SASH1: variants seen among roughly 807,000 people sequenced by gnomAD.
The protein encoded by SASH1 is SAM and SH3 domain-containing protein 1.
A neutral mutation model predicts 125.2 loss-of-function variants in SASH1; 44 were observed. The ratio of observed to expected loss-of-function variants is 0.35; its 90% CI spans 0.28 to 0.45. SASH1 has a LOEUF of 0.45. Ranked by LOEUF, SASH1 falls within the 20% of genes least tolerant of loss-of-function variation. SASH1 has a pLI of 1.00. For synonymous variants in SASH1, 639 were observed against 649.1 expected, an observed-to-expected ratio of 0.98 and a Z score of 0.24; for missense variants, 1,426 against 1,614.5, an observed-to-expected ratio of 0.88 and a Z score of 2.00.
chr6:148,301,399 G>A lies in SASH1; in HGVS notation n.74+29022G>A, dbSNP rs960806936. On this transcript the variant is annotated intron_variant and non_coding_transcript_variant, in intron 1 of 3. Transcript: ENST00000367469. The stretch of plus-strand genomic sequence containing the variant: ...TCCTGCCTCTGCTTCCCGAGTAGCT[G>A]GGATTACAGATGCCCACCACCATGC... Among the ~76,000 whole-genome samples, 66 of 151,606 alleles carry A rather than the reference G, an allele frequency of 4.4e-4. 1 individual carries two copies. Among genetic ancestry groups the A allele is most frequent in the South Asian group, 8.3e-4 (4 of 4,800 alleles).
Position 148,303,044 on chromosome 6 carries a change from G to A in SASH1, n.74+30667G>A, listed in dbSNP as rs369375550. On this transcript the variant is annotated intron_variant and non_coding_transcript_variant, in intron 1 of 3. Coordinates refer to the SASH1 transcript ENST00000367469. The stretch of plus-strand genomic sequence containing the variant: ...TGCTCAGGCTGGAGTGCAATGGCGC[G>A]ATCTCAGCTCACTGCAAACTCTGCC... 5.9e-5 allele frequency among the ~76,000 whole-genome samples: 9 copies of A among 152,088 alleles called. No homozygotes were observed. In the South Asian group the frequency reaches 1.9e-3, roughly 32 times the overall value.
intron 8 of SASH1, among the ~76,000 whole-genome samples, chr6:148,499,743 C>T (rs375536454): frequency 3.3e-5 from 5 of 152,164 alleles, no homozygotes; most frequent in Middle Eastern, 3.4e-3. Context: ...CTGAGTAAAT[C>T]GGAAAACTTG....
At chr6:148,514,764 A>C (rs1422086630) in intron 9 of SASH1, among the ~76,000 whole-genome samples, 1 of 152,216 alleles carries the variant, frequency 6.6e-6, no homozygotes, top group East Asian at 1.9e-4. Context: ...ACCATTTTAT[A>C]TAAACTTTCT....
intron 4 of SASH1, among the ~76,000 whole-genome samples, chr6:148,445,280 T>C (rs966019700): frequency 6.6e-6 from 1 of 152,154 alleles, no homozygotes; most frequent in Non-Finnish European, 1.5e-5. Flanking sequence ...GCCCAGCAGG[T>C]CTCAGCCTTA....
intron 8 of SASH1, among the ~76,000 whole-genome samples, chr6:148,492,330 T>C (rs1779140948): frequency 1.3e-5 from 2 of 152,236 alleles, no homozygotes; most frequent in Admixed American, 1.3e-4. Flanking sequence ...TAGATATAAA[T>C]TGTGAGAATG....
intron 4 of SASH1, among the ~76,000 whole-genome samples, chr6:148,442,119 G>A (rs1280144724): frequency 6.6e-6 from 1 of 152,162 alleles, no homozygotes; most frequent in Admixed American, 6.5e-5. Context: ...GGGTGCAGTG[G>A]CTCAGGCCTG....
At chr6:148,409,587 A>G (rs1784532204) in intron 2 of SASH1, among the ~76,000 whole-genome samples, 1 of 152,094 alleles carries the variant, frequency 6.6e-6, no homozygotes, top group African/African-American at 2.4e-5. Flanking sequence ...ACAGAAAGAG[A>G]TTTTCTTGTG....
chr6:148,327,595 A>G (rs1331324204), intron 1 of SASH1, among the ~76,000 whole-genome samples: 3 of 150,422 alleles, frequency 2.0e-5, no homozygotes, highest in African/African-American at 4.9e-5. Context: ...AAATTTCTAT[A>G]ATGTACACTG....
At chr6:148,194,834 A>G in the SASH1 span, among the ~76,000 whole-genome samples, 5 of 152,192 alleles carry the variant, frequency 3.3e-5, no homozygotes, top group Admixed American at 3.3e-4. Flanking sequence ...TGAACCTAGG[A>G]GGCGGAGCTG....
chr6:148,319,022 C>CT (rs10695657), intron 1 of SASH1, among the ~76,000 whole-genome samples: 4,888 of 66,518 alleles, frequency 0.073, 1,548 homozygotes, highest in Non-Finnish European at 0.082. Flanking sequence ...CATTTATCTT[C>CT]TTTTTTTTTT....
chr6:148,467,009 C>T (rs1385606499), intron 4 of SASH1, among the ~76,000 whole-genome samples: 1 of 151,116 alleles, frequency 6.6e-6, no homozygotes, highest in African/African-American at 2.4e-5. Flanking sequence ...GCTGTAAGCC[C>T]AAGGATACTG....
chr6:148,494,898 A>G (rs1016935893), intron 8 of SASH1, among the ~76,000 whole-genome samples: 2 of 152,204 alleles, frequency 1.3e-5, no homozygotes, highest in Admixed American at 6.5e-5. Flanking sequence ...ATATCCCCAG[A>G]TTATAAGATC....
the SASH1 span, among the ~76,000 whole-genome samples, chr6:148,234,757 G>A: frequency 6.6e-6 from 1 of 151,880 alleles, no homozygotes; most frequent in Admixed American, 6.6e-5. Context: ...AACCCGGGAG[G>A]CGGAGGTTGC....
intron 4 of SASH1, among the ~76,000 whole-genome samples, chr6:148,455,504 A>C (rs1483396313): frequency 1.3e-5 from 2 of 152,150 alleles, no homozygotes; most frequent in African/African-American, 2.4e-5. Flanking sequence ...ACGTGAAGTC[A>C]TCTGAGGGCA....
chr6:148,510,860 G>A (rs577051337), intron 8 of SASH1, among the ~76,000 whole-genome samples: 8 of 152,086 alleles, frequency 5.3e-5, no homozygotes, highest in Non-Finnish European at 1.2e-4. Flanking sequence ...GCTGGGTATG[G>A]TGGTGTGTGC....
intron 4 of SASH1, among the ~76,000 whole-genome samples, chr6:148,441,805 G>T (rs771497870): frequency 6.6e-6 from 1 of 152,166 alleles, no homozygotes; most frequent in South Asian, 2.1e-4. Flanking sequence ...CTCAATTGTG[G>T]AGAGTCATTC....
At chr6:148,368,905 A>G (rs2114738459) in intron 1 of SASH1, among the ~76,000 whole-genome samples, 2 of 152,310 alleles carry the variant, frequency 1.3e-5, no homozygotes, top group Non-Finnish European at 2.9e-5. Context: ...AACTTGATCA[A>G]ATGGAACAAA....
intron 2 of SASH1, among the ~76,000 whole-genome samples, chr6:148,429,142 C>T (rs1775948406): frequency 6.6e-6 from 1 of 151,984 alleles, no homozygotes; most frequent in African/African-American, 2.4e-5. Context: ...ATTTTTGCTT[C>T]CTAGTGTAAC....
the SASH1 span, among the ~76,000 whole-genome samples, chr6:148,248,991 T>C: frequency 1.9e-4 from 29 of 152,272 alleles, no homozygotes; most frequent in East Asian, 5.6e-3. Flanking sequence ...TGAGAAAACA[T>C]AGTGTGTGGT....
Sources: gnomAD v4.1 joint callset for allele counts (sites outside exome capture counted in the v4.1 genomes callset) on GRCh38, gnomAD v4.1.1 for gene constraint, MANE v1.5 for transcripts, NCBI Gene and HGNC (gene_info 2026-07-23, HGNC 2026-07-21) for gene names.